Variants in PCDH9 observed in about 807,000 individuals in gnomAD.
PCDH9 encodes protocadherin-9.
Under a neutral mutation model 70.6 loss-of-function variants are expected in PCDH9, and 24 were observed. The observed-to-expected ratio is 0.34, with a 90% CI of 0.25 to 0.48. PCDH9 has a LOEUF of 0.48. Among genes scored for constraint, PCDH9 ranks in the 20% least tolerant of loss-of-function variants. The pLI is 0.99. For missense variants in PCDH9, 1,281 were observed against 1,503.6 expected, an observed-to-expected ratio of 0.85 and a Z score of 2.45; for synonymous variants, 562 against 558.5, an observed-to-expected ratio of 1.01 and a Z score of -0.09.
intron 4 of PCDH9, among the ~76,000 whole-genome samples, chr13:66,567,708 G>A (rs899563885): frequency 1.3e-5 from 2 of 152,096 alleles, no homozygotes; most frequent in African/African-American, 4.8e-5. Flanking sequence ...CTTTCAAATT[G>A]TCAGAAGTAC....
chr13:67,101,069 C>G (rs1210296149), intron 2 of PCDH9, among the ~76,000 whole-genome samples: 1 of 152,156 alleles, frequency 6.6e-6, no homozygotes, highest in Non-Finnish European at 1.5e-5. Flanking sequence ...TCATTGATAG[C>G]AAGAATCTTT....
chr13:67,184,668 C>T (rs1260015334), intron 2 of PCDH9, among the ~76,000 whole-genome samples: 1 of 152,092 alleles, frequency 6.6e-6, no homozygotes, highest in Non-Finnish European at 1.5e-5. Context: ...GAGGCTGAGG[C>T]TGCAGTGAGC....
chr13:66,462,855 T>C (rs1958450009), intron 4 of PCDH9, among the ~76,000 whole-genome samples: 3 of 151,714 alleles, frequency 2.0e-5, no homozygotes, highest in Admixed American at 1.3e-4. Flanking sequence ...TTCTACTATG[T>C]AAGAGGAGTT....
intron 3 of PCDH9, among the ~76,000 whole-genome samples, chr13:66,876,144 TATTC>T (rs1409703177): frequency 6.6e-6 from 1 of 152,218 alleles, no homozygotes; most frequent in Non-Finnish European, 1.5e-5. Context: ...TTGATAAAGT[TATTC>T]ATTAAAATAT....
At chr13:67,191,747 C>T (rs1255493721) in intron 2 of PCDH9, among the ~76,000 whole-genome samples, 2 of 152,210 alleles carry the variant, frequency 1.3e-5, no homozygotes, top group Non-Finnish European at 2.9e-5. Context: ...CCTGCCCTGT[C>T]TCCGGCCCCT....
intron 4 of PCDH9, among the ~76,000 whole-genome samples, chr13:66,371,524 TATA>T (rs1956652702): frequency 6.6e-6 from 1 of 152,110 alleles, no homozygotes. Flanking sequence ...AGGTATATTT[TATA>T]ATATTTCTGG....
intron 4 of PCDH9, among the ~76,000 whole-genome samples, chr13:66,444,219 T>C (rs907397740): frequency 3.3e-5 from 5 of 152,196 alleles, no homozygotes; most frequent in African/African-American, 1.2e-4. Flanking sequence ...TGCAAATCCC[T>C]ACCCAACATA....
chr13:67,063,231 A>C (rs2085574084), intron 2 of PCDH9, among the ~76,000 whole-genome samples: 1 of 152,042 alleles, frequency 6.6e-6, no homozygotes, highest in Non-Finnish European at 1.5e-5. Flanking sequence ...GTTCTGGACA[A>C]TCTCCCGTAA....
intron 2 of PCDH9, among the ~76,000 whole-genome samples, chr13:66,985,081 C>T (rs2083862798): frequency 6.6e-6 from 1 of 152,068 alleles, no homozygotes; most frequent in South Asian, 2.1e-4. Flanking sequence ...CAGCTCTCAT[C>T]CTCCATTAAA....
At chr13:66,505,086 C>T (rs960302475) in intron 4 of PCDH9, among the ~76,000 whole-genome samples, 2 of 152,066 alleles carry the variant, frequency 1.3e-5, no homozygotes, top group Admixed American at 6.6e-5. Flanking sequence ...CATACATTTG[C>T]TAATTTATTT....
intron 4 of PCDH9, among the ~76,000 whole-genome samples, chr13:66,584,258 A>G (rs1189722205): frequency 2.0e-5 from 3 of 152,196 alleles, no homozygotes; most frequent in Non-Finnish European, 4.4e-5. Flanking sequence ...CAAGTTTTAT[A>G]TCATATTAAT....
chr13:66,553,950 T>G lies in PCDH9; in HGVS notation c.3340+77260A>C, dbSNP rs191209250. Among the ~76,000 whole-genome samples, 152 of 152,284 alleles carry G rather than the reference T, an allele frequency of 1.0e-3. 1 individual carries two copies. Among genetic ancestry groups the G allele is most frequent in the African/African-American group, 3.6e-3 (148 of 41,570 alleles). On this transcript the variant is annotated intron_variant, in intron 4 of 4. Coordinates refer to ENST00000377865, the MANE Select transcript of PCDH9 (RefSeq NM_203487.3). ...TTTACATAGAGTTCATATGGCTTTG[T>G]GGAGGTTTCTGAGCATTCTTCTTTT...
intron 4 of PCDH9, among the ~76,000 whole-genome samples, chr13:66,617,872 C>T (rs1005095423): frequency 4.0e-5 from 6 of 151,790 alleles, no homozygotes; most frequent in Admixed American, 1.3e-4. Context: ...TTCCACAAAA[C>T]GGCGTCCCCT....
At chr13:66,903,733 G>T (rs1441579445) in intron 2 of PCDH9, 128 bp from the exon 3 acceptor site, 1 of 444,284 alleles carries the variant, frequency 2.3e-6, no homozygotes, top group Non-Finnish European at 4.1e-6. Flanking sequence ...CACACCCAGA[G>T]ATACATGCAT....
At chr13:66,582,541 G>C (rs2076906949) in intron 4 of PCDH9, among the ~76,000 whole-genome samples, 2 of 152,128 alleles carry the variant, frequency 1.3e-5, no homozygotes, top group African/African-American at 2.4e-5. Flanking sequence ...GCTGAGGCAG[G>C]AGGATCACCT....
intron 2 of PCDH9, among the ~76,000 whole-genome samples, chr13:67,183,414 A>G (rs527474593): frequency 6.6e-6 from 1 of 152,292 alleles, no homozygotes; most frequent in East Asian, 1.9e-4. Context: ...TTTCTTTTGA[A>G]TCTATAACTT....
intron 2 of PCDH9, among the ~76,000 whole-genome samples, chr13:66,904,716 A>G (rs1252963180): frequency 6.6e-6 from 1 of 151,948 alleles, no homozygotes; most frequent in Non-Finnish European, 1.5e-5. Flanking sequence ...TTAAAAGCAA[A>G]TGTGTTTTAG....
At chr13:66,632,576 T>G (rs1431147088) in intron 3 of PCDH9, among the ~76,000 whole-genome samples, 2 of 152,130 alleles carry the variant, frequency 1.3e-5, no homozygotes, top group Non-Finnish European at 2.9e-5. Context: ...CATTGTCATG[T>G]TTACCAAAAA....
intron 4 of PCDH9, among the ~76,000 whole-genome samples, chr13:66,419,212 ACGC>A (rs1480753225): frequency 6.3e-4 from 30 of 47,802 alleles, no homozygotes; most frequent in African/African-American, 1.1e-3. Context: ...GGCCAGCATC[ACGC>A]TGATACCAAA....
Sources: allele counts gnomAD v4.1 joint callset (sites outside exome capture counted in the v4.1 genomes callset), GRCh38; gene constraint gnomAD v4.1.1; transcripts MANE v1.5; gene names NCBI Gene and HGNC (gene_info 2026-07-23, HGNC 2026-07-21).